JMY: variants seen among roughly 807,000 people sequenced by gnomAD.
The protein encoded by JMY is junction mediating and regulatory protein, p53 cofactor.
Under a neutral mutation model 103.3 loss-of-function variants are expected in JMY, and 46 were observed. The ratio of observed to expected loss-of-function variants is 0.45; its 90% CI spans 0.35 to 0.57. JMY has a LOEUF of 0.57. JMY is among the 20% of genes least tolerant of loss of function. The pLI is 0.00. For missense variants in JMY, 1,238 were observed against 1,255.2 expected (o/e 0.99, Z 0.21); for synonymous variants, 526 against 489.3 (o/e 1.07, Z -0.99).
At chr5:79,311,246 A>G (rs1561314384) in intron 7 of JMY, among the ~76,000 whole-genome samples, 1 of 150,672 alleles carries the variant, frequency 6.6e-6, no homozygotes. Context: ...TCAGCCTCCC[A>G]AAGTGCAGGG....
chr5:79,253,174 A>C (rs549239626), intron 1 of JMY, among the ~76,000 whole-genome samples: 36 of 151,298 alleles, frequency 2.4e-4, no homozygotes, highest in Non-Finnish European at 4.4e-4. Context: ...ACTAATAAAG[A>C]CTCTAATCTT....
At chr5:79,275,223 C>G (rs527475221) in intron 1 of JMY, among the ~76,000 whole-genome samples, 1 of 149,468 alleles carries the variant, frequency 6.7e-6, no homozygotes, top group African/African-American at 2.5e-5. Flanking sequence ...TGCAGTGGCG[C>G]GATCTCAGCT....
rs1265860048 is a variant in JMY, at chr5:79,300,838, A to G, written c.1856A>G (p.Lys619Arg). 12 of 1,592,368 alleles carry G rather than the reference A, an allele frequency of 7.5e-6. No homozygotes were observed. Among genetic ancestry groups the G allele is most frequent in the Non-Finnish European group, 1.0e-5 (12 of 1,173,642 alleles). Residue 619 changes from lysine (K) to arginine (R), a missense_variant, in exon 6 of 11, where the codon AAG (lysine) becomes AGG (arginine). Physicochemically the swap from Lys to Arg is conservative, Grantham distance 26. Coordinates refer to ENST00000396137, the MANE Select transcript of JMY (RefSeq NM_152405.5). ...LEARRGRVSAKKSYLRNKKEI... is the reference protein window; with the variant it reads ...LEARRGRVSARKSYLRNKKEI... ...GCAAGACGTGGACGGGTTTCTGCCA[A>G]GAAATCCTACCTCAGAAATAAAAAG...
At chr5:79,301,159 GT>G (rs1561310728) in intron 6 of JMY, among the ~76,000 whole-genome samples, 1 of 152,124 alleles carries the variant, frequency 6.6e-6, no homozygotes, top group Non-Finnish European at 1.5e-5. Context: ...GCCCAGCGAT[GT>G]TTTTTACAAG....
chr5:79,319,960 T>C (rs1747394849), intron 10 of JMY, among the ~76,000 whole-genome samples: 1 of 152,210 alleles, frequency 6.6e-6, no homozygotes. Flanking sequence ...ATAAAGTAGG[T>C]AATGAAGGTC....
At chr5:79,240,240 T>G (rs1457647051) in intron 1 of JMY, among the ~76,000 whole-genome samples, 1 of 152,084 alleles carries the variant, frequency 6.6e-6, no homozygotes, top group Non-Finnish European at 1.5e-5. Flanking sequence ...GGTCTCGAAC[T>G]CCTGACCTGG....
chr5:79,258,475 G>T (rs1308481129), intron 1 of JMY, among the ~76,000 whole-genome samples: 2 of 151,980 alleles, frequency 1.3e-5, no homozygotes, highest in South Asian at 2.1e-4. Context: ...ACTCAGCCTG[G>T]CAGGCTGTGC....
chr5:79,253,179 A>C (rs1189957257), intron 1 of JMY, among the ~76,000 whole-genome samples: 2 of 152,116 alleles, frequency 1.3e-5, no homozygotes, highest in African/African-American at 4.8e-5. Flanking sequence ...TAAAGACTCT[A>C]ATCTTAACTT....
In JMY at chr5:79,270,565, T is replaced by C. The variant is rs914126488; in HGVS notation, c.1033-7345T>C. Among the ~76,000 whole-genome samples, 13 of 133,578 alleles carry C rather than the reference T, an allele frequency of 9.7e-5. 2 individuals are homozygous for C. Among genetic ancestry groups the C allele is most frequent in the African/African-American group, 3.3e-4 (12 of 36,502 alleles). 87.6% of individuals were successfully genotyped at this position (133,578 alleles called of 152,430 possible). ...TTTAAAATGTATATTTACATAAATATTTAAAATGTATATTTACATAAATAT... is the reference window on the plus strand; with the variant it reads ...TTTAAAATGTATATTTACATAAATACTTAAAATGTATATTTACATAAATAT... On this transcript the variant is annotated intron_variant, in intron 1 of 10. Coordinates refer to ENST00000396137, the MANE Select transcript of JMY (RefSeq NM_152405.5).
chr5:79,292,518 C>T (rs187829808), intron 4 of JMY, among the ~76,000 whole-genome samples: 6 of 151,946 alleles, frequency 3.9e-5, no homozygotes, highest in Admixed American at 3.3e-4. Context: ...ACGAGGTCTC[C>T]CTATATTGCC....
intron 1 of JMY, among the ~76,000 whole-genome samples, chr5:79,271,648 G>A (rs946677559): frequency 3.3e-5 from 5 of 152,048 alleles, no homozygotes; most frequent in African/African-American, 1.2e-4. Flanking sequence ...TTATGCTAAC[G>A]AGGATGTTGT....
intron 7 of JMY, among the ~76,000 whole-genome samples, chr5:79,311,217 C>T (rs1231095054): frequency 6.7e-6 from 1 of 150,106 alleles, no homozygotes; most frequent in Non-Finnish European, 1.5e-5. Context: ...AACTCCTGGC[C>T]TCAAGCAATC....
chr5:79,258,678 C>T (rs912799622), intron 1 of JMY, among the ~76,000 whole-genome samples: 3 of 152,110 alleles, frequency 2.0e-5, no homozygotes, highest in Admixed American at 1.3e-4. Flanking sequence ...ACCAGGGATA[C>T]CATAAGCAGT....
chr5:79,279,608 A>G (rs1474613741), intron 2 of JMY, among the ~76,000 whole-genome samples: 3 of 152,180 alleles, frequency 2.0e-5, no homozygotes, highest in Non-Finnish European at 1.5e-5. Context: ...ATGAGAAAGT[A>G]AGGTTGTCTG....
At chr5:79,274,498 C>T (rs557917409) in intron 1 of JMY, among the ~76,000 whole-genome samples, 36 of 152,110 alleles carry the variant, frequency 2.4e-4, no homozygotes, top group Admixed American at 2.6e-4. Context: ...ACCTCTGCCT[C>T]CTGGGTTCAA....
chr5:79,267,540 T>C (rs1434759408), intron 1 of JMY, among the ~76,000 whole-genome samples: 2 of 152,228 alleles, frequency 1.3e-5, no homozygotes, highest in African/African-American at 4.8e-5. Context: ...GTGTTCCATA[T>C]CTTTTTGCAG....
At chr5:79,277,537 C>G (rs924105055) in intron 1 of JMY, among the ~76,000 whole-genome samples, 1 of 151,728 alleles carries the variant, frequency 6.6e-6, no homozygotes, top group African/African-American at 2.4e-5. Flanking sequence ...ACTTGGGAGG[C>G]TAATGCAGGA....
intron 1 of JMY, among the ~76,000 whole-genome samples, chr5:79,261,316 A>G (rs1483114545): frequency 6.6e-6 from 1 of 152,148 alleles, no homozygotes; most frequent in Non-Finnish European, 1.5e-5. Flanking sequence ...AGACAAATGC[A>G]TATCTGATTG....
intron 1 of JMY, among the ~76,000 whole-genome samples, chr5:79,262,042 C>G (rs1745439609): frequency 6.6e-6 from 1 of 152,222 alleles, no homozygotes; most frequent in South Asian, 2.1e-4. Flanking sequence ...GGCCCCTGCT[C>G]TTTGTCCTTC....
Sources: allele counts gnomAD v4.1 joint callset (sites outside exome capture counted in the v4.1 genomes callset), GRCh38; gene constraint gnomAD v4.1.1; transcripts MANE v1.5; gene names NCBI Gene and HGNC (gene_info 2026-07-23, HGNC 2026-07-21).